Variants in SEH1L observed in about 807,000 individuals in gnomAD.
The protein encoded by SEH1L is nucleoporin SEH1.
In SEH1L, 18 loss-of-function variants were observed where a neutral mutation model predicts 49.5. That is an observed-to-expected ratio of 0.36 (90% CI 0.25 to 0.54). SEH1L has a LOEUF of 0.54. SEH1L is among the 20% of genes least tolerant of loss of function. The probability of loss-of-function intolerance (pLI) is 0.87; values close to 1 mark genes in which losing one functional copy is unlikely to be tolerated. For missense variants in SEH1L, 404 were observed against 528.8 expected (o/e 0.76, Z 2.31); for synonymous variants, 169 against 178.1 (o/e 0.95, Z 0.41).
At chr18:12,983,991 T>C in intron 7 of SEH1L, 49 bp from the exon 8 acceptor site, 1 of 1,493,292 alleles carries the variant, frequency 6.7e-7, no homozygotes, top group Non-Finnish European at 9.3e-7. Flanking sequence ...TTTGTGCCCT[T>C]AGGCATTGGT....
chr18:12,961,105 T>C (rs552411038), intron 3 of SEH1L, among the ~76,000 whole-genome samples: 1 of 152,344 alleles, frequency 6.6e-6, no homozygotes, highest in African/African-American at 2.4e-5. Context: ...GCAGTCCGCA[T>C]GTGCAGTGGC....
Position 12,978,902 on chromosome 18 carries a change from A to G in SEH1L, c.761+10A>G, listed in dbSNP as rs774066539. ...CATTAAAGCCTGTGAGGTGAGTTTT[A>G]GAAGCATTTATGAATTTGAAAATAC... On this transcript the variant is annotated intron_variant, in intron 6 of 8. Coordinates refer to ENST00000399892, the MANE Select transcript of SEH1L (RefSeq NM_001013437.2). 7 of 1,612,494 alleles carry G rather than the reference A, an allele frequency of 4.3e-6. No homozygotes were observed. Among genetic ancestry groups the G allele is most frequent in the Non-Finnish European group, 5.9e-6 (7 of 1,179,088 alleles).
At position 12,984,065 on chromosome 18, in the gene SEH1L, T is replaced by G; in HGVS notation, c.945T>G (p.Cys315Trp). Residue 315 changes from cysteine to tryptophan, a missense_variant, in exon 8 of 9, where the codon TGT becomes TGG. Physicochemically the swap from Cys to Trp is radical, Grantham distance 215. Transcript: ENST00000399892. ...WKANYMDNWK[C>W]TGILKGNGSP... ...CTAATTATATGGACAATTGGAAGTG[T>G]ACTGGTATTTTGAAAGGTAATGGGA... is the stretch of plus-strand genomic sequence containing the variant. 6.2e-7 allele frequency: 1 copy of G among 1,613,666 alleles called. No homozygotes were observed. Among genetic ancestry groups the G allele is most frequent in the Non-Finnish European group, 8.5e-7 (1 of 1,179,564 alleles).
intron 3 of SEH1L, among the ~76,000 whole-genome samples, chr18:12,959,650 C>T (rs886838498): frequency 6.6e-6 from 1 of 152,132 alleles, no homozygotes; most frequent in African/African-American, 2.4e-5. Context: ...TATTTTCTCC[C>T]GTTCTGTGGG....
At position 12,966,178 on chromosome 18, in the gene SEH1L, C is replaced by T. The variant is rs1483587051; in HGVS notation, c.521+2807C>T. ...TGTGATCTTGGCTCACTGCAAGCTC[C>T]GCCTCCTGGGTTTAAGAGATTCTCC... On this transcript the variant is annotated intron_variant, in intron 4 of 8. Coordinates refer to ENST00000399892, the MANE Select transcript of SEH1L (RefSeq NM_001013437.2). Among the ~76,000 whole-genome samples the T allele has an allele frequency of 5.3e-5, 8 of 150,136 alleles. 1 individual carries two copies. The highest frequency in any genetic ancestry group is 2.1e-4 in the South Asian group (1 of 4,744).
intron 1 of SEH1L, among the ~76,000 whole-genome samples, chr18:12,949,000 C>G (rs1269171929): frequency 2.0e-5 from 3 of 151,752 alleles, no homozygotes; most frequent in African/African-American, 7.3e-5. Flanking sequence ...CAGGTGCACG[C>G]CACCACCCCC....
In SEH1L at chr18:12,955,201, A is replaced by G. The variant is rs188188275; in HGVS notation, c.163-262A>G. On this transcript the variant is annotated intron_variant, in intron 2 of 8. Transcript: ENST00000399892. ...GTTTATCTGGCTAGATTTTTCTTTT[A>G]TTAGTAAAATGTCAGAAGAACTGGA... 6.5e-3 allele frequency among the ~76,000 whole-genome samples: 978 copies of G among 150,954 alleles called. 2 individuals are homozygous for G. The highest frequency in any genetic ancestry group is 0.023 in the African/African-American group (940 of 41,000).
chr18:12,949,492 A>G (rs868534765), intron 1 of SEH1L, among the ~76,000 whole-genome samples: 2 of 105,170 alleles, frequency 1.9e-5, no homozygotes, highest in African/African-American at 3.9e-5. Flanking sequence ...TTGCTCTGTC[A>G]CCCAGGCTGG....
chr18:12,950,728 A>G (rs944776904), intron 1 of SEH1L, among the ~76,000 whole-genome samples: 19 of 152,224 alleles, frequency 1.2e-4, no homozygotes, highest in Admixed American at 1.0e-3. Context: ...CAGTGATAGT[A>G]TTGATTTGAT....
At chr18:12,985,610 T>C in intron 8 of SEH1L, 1 of 1,027,142 alleles carries the variant, frequency 9.7e-7, no homozygotes, top group Non-Finnish European at 1.2e-6. Flanking sequence ...AATACCACTT[T>C]AGTTCATTTG....
At position 12,948,020 on chromosome 18, in the gene SEH1L, C is replaced by T. The variant is rs2145593597; in HGVS notation, c.-102C>T. The T allele has an allele frequency of 3.9e-6, 3 of 777,734 alleles. No homozygotes were observed. The highest frequency in any genetic ancestry group is 1.7e-5 in the South Asian group (1 of 59,972). The allele number at this position is 777,734 out of a possible 1,614,324, so 48.2% of individuals were successfully genotyped here. A position where few individuals can be genotyped will look rare whatever the true frequency, so the allele number is the denominator to read the frequency against. ...GTGCGGGGGCGTGGGCAGCACAAGC[C>T]GTGCGCTCCCGGGCTGCGAGGTCTG... On this transcript the variant is annotated 5_prime_UTR_variant, in exon 1 of 9. Transcript: ENST00000399892.
intron 4 of SEH1L, among the ~76,000 whole-genome samples, chr18:12,965,374 C>CAAAA (rs2031403458): frequency 1.3e-5 from 2 of 152,282 alleles, no homozygotes; most frequent in South Asian, 4.1e-4. Context: ...ATTCTGTAAA[C>CAAAA]ATTTAACACA....
At chr18:12,948,801 G>A (rs1322268187) in intron 1 of SEH1L, 1 of 151,402 alleles carries the variant, frequency 6.6e-6, no homozygotes, top group Non-Finnish European at 1.5e-5. Context: ...GTTTCTTGAA[G>A]TTCCCGTAAA....
chr18:12,966,094 G>GT (rs35889009), intron 4 of SEH1L, among the ~76,000 whole-genome samples: 1,703 of 136,514 alleles, frequency 0.012, 7 homozygotes, highest in Middle Eastern at 0.047. Flanking sequence ...TATTTTTATG[G>GT]TTTTTTTTTT....
intron 3 of SEH1L, among the ~76,000 whole-genome samples, chr18:12,956,723 C>G (rs2030884548): frequency 6.7e-6 from 1 of 149,020 alleles, no homozygotes; most frequent in African/African-American, 2.5e-5. Flanking sequence ...AAAAATCTAG[C>G]CAGATAAACT....
At chr18:12,973,703 A>G (rs986604781) in intron 5 of SEH1L, 1 of 152,214 alleles carries the variant, frequency 6.6e-6, no homozygotes, top group African/African-American at 2.4e-5. Flanking sequence ...ATAAATCTAG[A>G]CTGGGGGATT....
chr18:12,978,910 T>C lies in SEH1L; in HGVS notation c.761+18T>C. The C allele has an allele frequency of 1.2e-6, 2 of 1,610,726 alleles. No homozygotes were observed. Among genetic ancestry groups the C allele is most frequent in the Non-Finnish European group, 1.7e-6 (2 of 1,177,920 alleles). ...CCTGTGAGGTGAGTTTTAGAAGCAT[T>C]TATGAATTTGAAAATACTCTTGCCT... On this transcript the variant is annotated intron_variant, in intron 6 of 8. Coordinates refer to ENST00000399892, the MANE Select transcript of SEH1L (RefSeq NM_001013437.2).
Position 12,971,794 on chromosome 18 carries a change from T to C in SEH1L, c.620+543T>C, listed in dbSNP as rs141629073. On this transcript the variant is annotated intron_variant, in intron 5 of 8. Coordinates refer to ENST00000399892, the MANE Select transcript of SEH1L (RefSeq NM_001013437.2). ...GGGGAACCTAATCTGGTTTAGGGGC[T>C]AGGAAGGTTCACCTAGAAGATGACC... 8.6e-3 allele frequency: 1,318 copies of C among 152,710 alleles called. 15 individuals are homozygous for C. The highest frequency in any genetic ancestry group is 0.028 in the African/African-American group (1,171 of 41,528). 9.5% of individuals were successfully genotyped at this position (152,710 alleles called of 1,614,324 possible).
chr18:12,986,394 C>T (rs1190793964), intron 8 of SEH1L: 1 of 985,316 alleles, frequency 1.0e-6, no homozygotes, highest in Non-Finnish European at 1.2e-6. Flanking sequence ...TTGCAGTAGC[C>T]AGCCATACTA....
Sources: allele counts gnomAD v4.1 joint callset (sites outside exome capture counted in the v4.1 genomes callset), GRCh38; gene constraint gnomAD v4.1.1; transcripts MANE v1.5; gene names NCBI Gene and HGNC (gene_info 2026-07-23, HGNC 2026-07-21).